The following ADCY5 variants were observed in gnomAD, a reference collection of about 807,000 sequenced individuals.
The protein encoded by ADCY5 is adenylate cyclase 5.
A neutral mutation model predicts 119.7 loss-of-function variants in ADCY5; 30 were observed. The ratio of observed to expected loss-of-function variants is 0.25; its 90% CI spans 0.19 to 0.34. The LOEUF (loss-of-function observed/expected upper bound fraction) is 0.34. Ranked by LOEUF, ADCY5 falls within the 10% of genes least tolerant of loss-of-function variation. The pLI is 1.00. For missense variants in ADCY5, 1,324 were observed against 1,775.2 expected (o/e 0.75, Z 4.57); for synonymous variants, 753 against 762.2 (o/e 0.99, Z 0.20).
At chr3:123,410,345 C>T (rs1399002777) in intron 1 of ADCY5, among the ~76,000 whole-genome samples, 1 of 152,000 alleles carries the variant, frequency 6.6e-6, no homozygotes, top group Admixed American at 6.6e-5. Context: ...CCCTTATCCC[C>T]CAATTCCTCC....
chr3:123,360,172 G>A (rs1943197601), intron 1 of ADCY5, among the ~76,000 whole-genome samples: 1 of 151,774 alleles, frequency 6.6e-6, no homozygotes, highest in East Asian at 1.9e-4. Context: ...ATGTGTTTCT[G>A]GTAATCAAAG....
Position 123,339,486 on chromosome 3 carries a change from A to C in ADCY5, c.1407-6811T>G, listed in dbSNP as rs532597428. Among the ~76,000 whole-genome samples, 249 of 152,262 alleles carry C rather than the reference A, an allele frequency of 1.6e-3. 1 individual carries two copies. The highest frequency in any genetic ancestry group is 5.6e-3 in the African/African-American group (233 of 41,538). Reference sequence around the variant, plus strand: ...TCCAGGGGCACAGGCTGGGAAAGGGAAAGGGGGAAAGGCCTATGGGAGCCT... The same window carrying C: ...TCCAGGGGCACAGGCTGGGAAAGGGCAAGGGGGAAAGGCCTATGGGAGCCT... On this transcript the variant is annotated intron_variant, in intron 3 of 20. Coordinates refer to ENST00000462833, the MANE Select transcript of ADCY5 (RefSeq NM_183357.3).
chr3:123,315,072 T>G (rs1455791952), intron 11 of ADCY5, among the ~76,000 whole-genome samples: 1 of 152,188 alleles, frequency 6.6e-6, no homozygotes, highest in African/African-American at 2.4e-5. Context: ...CATCTGGAAC[T>G]TCCCATTGGC....
At chr3:123,394,945 T>C (rs1944500404) in intron 1 of ADCY5, among the ~76,000 whole-genome samples, 1 of 152,216 alleles carries the variant, frequency 6.6e-6, no homozygotes, top group East Asian at 1.9e-4. Flanking sequence ...TTTTTGATTA[T>C]CCAGAAAAGC....
In ADCY5 at chr3:123,396,727, G is replaced by GGA. The variant is rs1944587413; in HGVS notation, c.1135-44147_1135-44146insTC. On this transcript the variant is annotated intron_variant, in intron 1 of 20. Coordinates refer to ENST00000462833, the MANE Select transcript of ADCY5 (RefSeq NM_183357.3). ...GGGAGGGAGGGAGAGAGAAGGGAGG[G>GGA]AGGAAGGAAGGAAGGAAGGAAGGAA... Among the ~76,000 whole-genome samples, 40 of 45,656 alleles carry GGA rather than the reference G, an allele frequency of 8.8e-4. 2 individuals carry two copies. Among genetic ancestry groups the GGA allele is most frequent in the African/African-American group, 3.1e-3 (38 of 12,382 alleles). The allele number at this position is 45,656 out of a possible 152,430, so 30.0% of individuals were successfully genotyped here.
At chr3:123,419,288 C>T in intron 1 of ADCY5, 3 of 806,708 alleles carry the variant, frequency 3.7e-6, no homozygotes, top group Non-Finnish European at 4.5e-6. Flanking sequence ...CGTCCGCCCA[C>T]CCACTTCTCT....
intron 12 of ADCY5, among the ~76,000 whole-genome samples, chr3:123,310,768 G>A (rs1940523939): frequency 6.6e-6 from 1 of 152,172 alleles, no homozygotes; most frequent in African/African-American, 2.4e-5. Context: ...GGGGCAGTGG[G>A]GGCTCTGCAA....
At chr3:123,357,731 T>C (rs1037650101) in intron 1 of ADCY5, among the ~76,000 whole-genome samples, 1 of 152,124 alleles carries the variant, frequency 6.6e-6, no homozygotes, top group Non-Finnish European at 1.5e-5. Context: ...TCACACCATC[T>C]GCCAAAAAAG....
Position 123,345,769 on chromosome 3 carries a change from G to GACACACAGACACACACACACACACAC in ADCY5, c.1406+2012_1406+2013insGTGTGTGTGTGTGTGTGTCTGTGTGT, listed in dbSNP as rs1553731376. The stretch of plus-strand genomic sequence containing the variant: ...AGACAGACAGACAGACAGACAGACA[G>GACACACAGACACACACACACACACAC]ACACACACACACACACACACACACA... On this transcript the variant is annotated intron_variant, in intron 3 of 20. Coordinates refer to ENST00000462833, the MANE Select transcript of ADCY5 (RefSeq NM_183357.3). 6.2e-3 allele frequency among the ~76,000 whole-genome samples: 700 copies of GACACACAGACACACACACACACACAC among 113,790 alleles called. 12 individuals are homozygous for GACACACAGACACACACACACACACAC. The highest frequency in any genetic ancestry group is 0.017 in the African/African-American group (422 of 25,358). 74.7% of individuals were successfully genotyped at this position (113,790 alleles called of 152,430 possible). A position where few individuals can be genotyped will look rare whatever the true frequency, so the allele number is the denominator to read the frequency against.
chr3:123,444,914 C>G (rs1359254756), intron 1 of ADCY5, among the ~76,000 whole-genome samples: 1 of 152,196 alleles, frequency 6.6e-6, no homozygotes. Flanking sequence ...CTCTTACATG[C>G]CTGCTGTTCT....
intron 1 of ADCY5, among the ~76,000 whole-genome samples, chr3:123,437,667 C>T (rs1163859147): frequency 6.6e-6 from 1 of 152,178 alleles, no homozygotes; most frequent in Non-Finnish European, 1.5e-5. Flanking sequence ...CATCAATATA[C>T]TTTATGAGCT....
Position 123,303,191 on chromosome 3 carries a change from C to T in ADCY5, c.2588G>A (p.Gly863Asp), listed in dbSNP as rs1939952911. 2 of 1,613,592 alleles carry T rather than the reference C, an allele frequency of 1.2e-6. No individual in the cohort carries two copies. The highest frequency in any genetic ancestry group is 1.7e-6 in the Non-Finnish European group (2 of 1,179,958). The change falls in exon 14 of 21, where the codon GGC becomes GAC. Residue 863 changes from glycine to aspartate, a missense_variant. Gly to Asp is a moderately conservative substitution (Grantham distance 94). Transcript: ENST00000462833. Reference protein sequence around the residue: ...MFTCNSRDLLGCLAQEHNISA... With the variant: ...MFTCNSRDLLDCLAQEHNISA... The stretch of plus-strand genomic sequence containing the variant: ...GATGTTGTGCTCCTGTGCCAAGCAG[C>T]CCAGCAGGTCCCTGGAGTTGCACGT...
At chr3:123,301,415 G>A (rs1413477839) in intron 14 of ADCY5, among the ~76,000 whole-genome samples, 8 of 152,196 alleles carry the variant, frequency 5.3e-5, no homozygotes, top group Non-Finnish European at 1.2e-4. Flanking sequence ...AGAAGGGCAT[G>A]CCCAGATGAG....
intron 1 of ADCY5, among the ~76,000 whole-genome samples, chr3:123,434,239 C>A (rs746991428): frequency 6.6e-6 from 1 of 152,194 alleles, no homozygotes; most frequent in East Asian, 1.9e-4. Context: ...TGAATGGGGT[C>A]GGTTCACCTC....
intron 1 of ADCY5, among the ~76,000 whole-genome samples, chr3:123,398,010 C>T (rs1039066551): frequency 9.2e-5 from 14 of 152,206 alleles, no homozygotes; most frequent in Non-Finnish European, 2.9e-5. Context: ...TACCTGACTG[C>T]AAGGCACTGA....
In ADCY5 at chr3:123,448,275, C is replaced by T. The variant is rs772055808; in HGVS notation, c.271G>A (p.Gly91Arg). Residue 91 changes from glycine to arginine, a missense_variant, in exon 1 of 21, where the codon GGG becomes AGG. By Grantham distance (125) the Gly-to-Arg change is moderately radical. Transcript: ENST00000462833. ...GAGCGGAAGCTGAAGCCGAAGCCCC[C>T]GGCCAGGGGGTCGTCACCGCTCAGC... ...PPLSGDDPLA[G>R]GFGFSFRSKS... The T allele has an allele frequency of 2.6e-6, 4 of 1,519,286 alleles. No individual in the cohort carries two copies. The Admixed American group carries it at 6.0e-5, about 23-fold the overall frequency. The allele number at this position is 1,519,286 out of a possible 1,614,324, so 94.1% of individuals were successfully genotyped here. A position where few individuals can be genotyped will look rare whatever the true frequency, so the allele number is the denominator to read the frequency against.
chr3:123,435,866 ATTATTATT>A (rs1236528840), intron 1 of ADCY5, among the ~76,000 whole-genome samples: 1 of 142,440 alleles, frequency 7.0e-6, no homozygotes, highest in Admixed American at 7.1e-5. Flanking sequence ...TATTATTATT[ATTATTATT>A]ATTATTATTA....
At chr3:123,335,588 C>T (rs1160431782) in intron 3 of ADCY5, among the ~76,000 whole-genome samples, 1 of 152,126 alleles carries the variant, frequency 6.6e-6, no homozygotes, top group Non-Finnish European at 1.5e-5. Context: ...AGGTATGATC[C>T]AACACCCTGG....
intron 1 of ADCY5, among the ~76,000 whole-genome samples, chr3:123,425,999 A>C (rs899103472): frequency 1.3e-5 from 2 of 152,204 alleles, no homozygotes; most frequent in African/African-American, 4.8e-5. Flanking sequence ...GGGAATTTAA[A>C]AGTACAAACC....
Sources: allele counts gnomAD v4.1 joint callset (sites outside exome capture counted in the v4.1 genomes callset), GRCh38; gene constraint gnomAD v4.1.1; transcripts MANE v1.5; gene names NCBI Gene and HGNC (gene_info 2026-07-23, HGNC 2026-07-21).